Variants in DNAH14 observed in about 807,000 individuals in gnomAD.
DNAH14 encodes axonemal beta dynein heavy chain 14.
A neutral mutation model predicts 520.9 loss-of-function variants in DNAH14; 478 were observed. The observed-to-expected ratio is 0.92, with a 90% CI of 0.85 to 0.99. The LOEUF (loss-of-function observed/expected upper bound fraction) is 0.99. Ranked by LOEUF, DNAH14 falls within the 50% of genes least tolerant of loss-of-function variation. The pLI, the probability that DNAH14 is intolerant of heterozygous loss-of-function variation, is 0.00. For missense variants in DNAH14, 4,831 were observed against 5,234.5 expected, an observed-to-expected ratio of 0.92 and a Z score of 2.38; for synonymous variants, 1,581 against 1,757.2, an observed-to-expected ratio of 0.90 and a Z score of 2.51.
At chr1:225,017,381 C>T (rs901261585) in intron 10 of DNAH14, among the ~76,000 whole-genome samples, 2 of 152,192 alleles carry the variant, frequency 1.3e-5, no homozygotes, top group Non-Finnish European at 2.9e-5. Flanking sequence ...AATAAAAATA[C>T]TGTAGACTTT....
chr1:225,240,589 C>G lies in DNAH14; in HGVS notation c.6519-4C>G, dbSNP rs2091909465. ...CTTCATCCTTCCATACCTGTCTACC[C>G]CAGGGATGAAAATACATGGTATCCA... On this transcript the variant is annotated splice_polypyrimidine_tract_variant and splice_region_variant and intron_variant, in intron 42 of 85. Coordinates refer to ENST00000682510, the MANE Select transcript of DNAH14 (RefSeq NM_001367479.1). 2 of 1,513,754 alleles carry G rather than the reference C, an allele frequency of 1.3e-6. No homozygotes were observed. The highest frequency in any genetic ancestry group is 1.8e-6 in the Non-Finnish European group (2 of 1,113,710). The allele number at this position is 1,513,754 out of a possible 1,614,324, so 93.8% of individuals were successfully genotyped here. A position where few individuals can be genotyped will look rare whatever the true frequency, so the allele number is the denominator to read the frequency against.
intron 38 of DNAH14, 93 bp downstream of exon 38, chr1:225,193,004 C>A: frequency 5.4e-6 from 5 of 929,340 alleles, no homozygotes; most frequent in Non-Finnish European, 7.7e-6. Context: ...CATTAGACAT[C>A]TATTAGTGTA....
At chr1:225,065,885 G>A (rs1366676480) in intron 17 of DNAH14, among the ~76,000 whole-genome samples, 1 of 152,072 alleles carries the variant, frequency 6.6e-6, no homozygotes, top group Admixed American at 6.6e-5. Context: ...ACCCAGAAGT[G>A]AGATTGTTGG....
chr1:225,361,831 G>T (rs1039790890), intron 75 of DNAH14, among the ~76,000 whole-genome samples: 1 of 151,782 alleles, frequency 6.6e-6, no homozygotes, highest in African/African-American at 2.4e-5. Flanking sequence ...ACCAGCCTGG[G>T]CAACAGAGTG....
intron 43 of DNAH14, among the ~76,000 whole-genome samples, chr1:225,243,777 A>G (rs1053319560): frequency 2.0e-5 from 3 of 152,042 alleles, no homozygotes; most frequent in African/African-American, 7.2e-5. Flanking sequence ...TAAATATACA[A>G]TCATGTCATC....
chr1:225,183,534 G>T (rs1028613609), intron 36 of DNAH14, among the ~76,000 whole-genome samples: 13 of 152,080 alleles, frequency 8.5e-5, no homozygotes, highest in African/African-American at 3.1e-4. Context: ...TAATCCCAAA[G>T]CTAGCAGAAG....
At chr1:225,379,872 T>C (rs1256412366) in intron 79 of DNAH14, among the ~76,000 whole-genome samples, 1 of 152,176 alleles carries the variant, frequency 6.6e-6, no homozygotes, top group Non-Finnish European at 1.5e-5. Context: ...ATTTCTGAGG[T>C]ACATAGTAAT....
intron 54 of DNAH14, among the ~76,000 whole-genome samples, chr1:225,282,503 A>T (rs78519128): frequency 0.049 from 7,524 of 152,304 alleles, 292 homozygotes; most frequent in Non-Finnish European, 0.073. Context: ...CAAGTATTCA[A>T]TGTTAACTTG....
chr1:225,100,556 A>G (rs534945095), intron 22 of DNAH14, among the ~76,000 whole-genome samples, 157 bp from the exon 23 acceptor site: 3 of 152,310 alleles, frequency 2.0e-5, no homozygotes, highest in African/African-American at 7.2e-5. Flanking sequence ...ACTTGTACAT[A>G]ATAGGCACTT....
In DNAH14 at chr1:225,266,770, G is replaced by T. The variant is rs911174943; in HGVS notation, c.7539+1G>T. 6.7e-7 allele frequency: 1 copy of T among 1,494,710 alleles called. No individual in the cohort carries two copies. The highest frequency in any genetic ancestry group is 2.8e-5 in the Admixed American group (1 of 35,632). The allele number at this position is 1,494,710 out of a possible 1,614,324, so 92.6% of individuals were successfully genotyped here. On this transcript the variant is annotated splice_donor_variant, in intron 49 of 85. Transcript: ENST00000682510. LOFTEE classifies it high-confidence loss of function. ...TGATACTGAAAAAAATACATGGAAG[G>T]TACAGTATATACTAAGATTTTGTTC...
chr1:224,999,578 T>C (rs180987977), intron 8 of DNAH14, among the ~76,000 whole-genome samples: 2 of 152,276 alleles, frequency 1.3e-5, no homozygotes, highest in East Asian at 3.9e-4. Context: ...TTAAATTTAA[T>C]CTGATTATTT....
At chr1:225,261,515 C>A (rs2092935405) in intron 46 of DNAH14, among the ~76,000 whole-genome samples, 1 of 151,942 alleles carries the variant, frequency 6.6e-6, no homozygotes, top group Non-Finnish European at 1.5e-5. Flanking sequence ...GTGAATAATC[C>A]TTTTAATATA....
At chr1:225,242,005 C>T (rs765614776) in intron 43 of DNAH14, among the ~76,000 whole-genome samples, 8 of 152,200 alleles carry the variant, frequency 5.3e-5, no homozygotes, top group Non-Finnish European at 8.8e-5. Flanking sequence ...AGGAGGATTG[C>T]TTGAGCCAGG....
Position 224,936,912 on chromosome 1 carries a change from A to G in DNAH14, c.-34+7077A>G, listed in dbSNP as rs141062373. Among the ~76,000 whole-genome samples, 1,135 of 152,156 alleles carry G rather than the reference A, an allele frequency of 7.5e-3. 10 individuals are homozygous for G. Among genetic ancestry groups the G allele is most frequent in the Non-Finnish European group, 0.011 (763 of 67,888 alleles). On this transcript the variant is annotated intron_variant, in intron 1 of 85. Coordinates refer to ENST00000682510, the MANE Select transcript of DNAH14 (RefSeq NM_001367479.1). ...TTCCCAGGGATGTAAAGATGGTTCAACATACACAAATCAGTGAATGTGATA... is the reference window on the plus strand; with the variant it reads ...TTCCCAGGGATGTAAAGATGGTTCAGCATACACAAATCAGTGAATGTGATA...
At chr1:225,188,941 C>A (rs905608302) in intron 37 of DNAH14, among the ~76,000 whole-genome samples, 1 of 151,736 alleles carries the variant, frequency 6.6e-6, no homozygotes, top group African/African-American at 2.4e-5. Flanking sequence ...GAATCCTTGT[C>A]TTATTCTTGA....
intron 41 of DNAH14, among the ~76,000 whole-genome samples, chr1:225,223,988 C>G (rs1289932162): frequency 6.6e-6 from 1 of 152,132 alleles, no homozygotes; most frequent in Non-Finnish European, 1.5e-5. Context: ...TTAATCATAG[C>G]ACCTGAAAAA....
chr1:225,196,129 T>A (rs2149371575), intron 38 of DNAH14, among the ~76,000 whole-genome samples: 1 of 152,194 alleles, frequency 6.6e-6, no homozygotes, highest in Admixed American at 6.6e-5. Flanking sequence ...CTGAGCAGTA[T>A]ACACTGCACA....
intron 23 of DNAH14, among the ~76,000 whole-genome samples, chr1:225,110,860 T>C (rs1160384459): frequency 6.6e-6 from 1 of 152,138 alleles, no homozygotes; most frequent in African/African-American, 2.4e-5. Context: ...ATTTTCTTCT[T>C]AATGTCTTCA....
intron 23 of DNAH14, among the ~76,000 whole-genome samples, chr1:225,116,010 G>A (rs889719994): frequency 3.9e-5 from 6 of 152,346 alleles, no homozygotes; most frequent in African/African-American, 1.4e-4. Context: ...GGTCTTGAAA[G>A]AAATGTAGGT....
Sources: gnomAD v4.1 joint callset for allele counts (sites outside exome capture counted in the v4.1 genomes callset) on GRCh38, gnomAD v4.1.1 for gene constraint, MANE v1.5 for transcripts, NCBI Gene and HGNC (gene_info 2026-07-23, HGNC 2026-07-21) for gene names.